The following HMGA2 variants were observed in gnomAD, a reference collection of about 807,000 sequenced individuals.
HMGA2 encodes the protein high mobility group AT-hook 2, also known as high mobility group protein HMGI-C.
Under a neutral mutation model 19.1 loss-of-function variants are expected in HMGA2, and 8 were observed. The observed-to-expected ratio is 0.42, with a 90% confidence interval of 0.25 to 0.76. The LOEUF is 0.76. Ranked by LOEUF, HMGA2 falls within the 30% of genes least tolerant of loss-of-function variation. The pLI, the probability that HMGA2 is intolerant of heterozygous loss-of-function variation, is 0.28. For synonymous variants in HMGA2, 60 were observed against 48.8 expected (o/e 1.23, Z -0.96); for missense variants, 109 against 136.3 (o/e 0.80, Z 1.00).
At chr12:65,951,970 T>C (rs1459268240) in intron 4 of HMGA2, 1 of 171,806 alleles carries the variant, frequency 5.8e-6, no homozygotes, top group Non-Finnish European at 1.2e-5. Flanking sequence ...TTTGGCAACA[T>C]CAAATTGGAA....
At chr12:65,942,065 A>G (rs1876108410) in intron 3 of HMGA2, among the ~76,000 whole-genome samples, 1 of 152,250 alleles carries the variant, frequency 6.6e-6, no homozygotes. Context: ...TGATTGGAGT[A>G]TTAACAACAA....
chr12:65,830,037 T>A (rs1172490024), intron 2 of HMGA2, among the ~76,000 whole-genome samples: 1 of 152,006 alleles, frequency 6.6e-6, no homozygotes, highest in African/African-American at 2.4e-5. Flanking sequence ...TTCTCCAGAA[T>A]CTTTCATTCT....
intron 3 of HMGA2, among the ~76,000 whole-genome samples, 162 bp from the exon 4 acceptor site, chr12:65,951,221 G>T (rs1440187336): frequency 6.6e-6 from 1 of 152,160 alleles, no homozygotes; most frequent in Admixed American, 6.5e-5. Flanking sequence ...GAGCCACCAT[G>T]CCTGGCCAAG....
chr12:65,842,872 G>A, intron 3 of HMGA2: 1 of 1,285,630 alleles, frequency 7.8e-7, no homozygotes, highest in Non-Finnish European at 9.8e-7. Flanking sequence ...TTTAGAGAGT[G>A]GGGCTCAGGC....
At chr12:65,887,568 C>A (rs117313690) in intron 3 of HMGA2, among the ~76,000 whole-genome samples, 11,687 of 151,936 alleles carry the variant, frequency 0.077, 481 homozygotes, top group Middle Eastern at 0.17. Context: ...TAAAAATATA[C>A]AAAAATTGGC....
At chr12:65,952,629 A>T (rs1450914091) in intron 4 of HMGA2, 1 of 654,128 alleles carries the variant, frequency 1.5e-6, no homozygotes, top group African/African-American at 1.8e-5. Flanking sequence ...AGCAATATTT[A>T]AAAATATATA....
At chr12:65,841,906 A>C (rs1200777290) in intron 3 of HMGA2, among the ~76,000 whole-genome samples, 1 of 152,122 alleles carries the variant, frequency 6.6e-6, no homozygotes, top group African/African-American at 2.4e-5. Flanking sequence ...GAGGGGATGA[A>C]GCATTGGCCA....
intron 3 of HMGA2, among the ~76,000 whole-genome samples, chr12:65,925,218 T>G (rs1204693033): frequency 6.6e-6 from 1 of 152,216 alleles, no homozygotes; most frequent in Non-Finnish European, 1.5e-5. Context: ...TTTTAGGTTA[T>G]AAGTTTTTGC....
intron 3 of HMGA2, among the ~76,000 whole-genome samples, chr12:65,907,738 G>A (rs879592418): frequency 1.3e-5 from 2 of 152,176 alleles, no homozygotes; most frequent in Admixed American, 6.5e-5. Flanking sequence ...TTTCAAGTAA[G>A]GATGTTTCTA....
chr12:65,825,090 T>G lies in HMGA2; in HGVS notation c.-181T>G. ...TTCTCTTTTTGGCAGCCGCTGGACG[T>G]CCGGTGTTGATGGTGGCAGCGGCGG... On this transcript the variant is annotated 5_prime_UTR_variant, in exon 1 of 5. Coordinates refer to ENST00000403681, the MANE Select transcript of HMGA2 (RefSeq NM_003483.6). The surrounding 1 kb of genome is among the most constrained non-coding windows in gnomAD (Gnocchi z 4.4). 1 of 514,536 alleles carries G rather than the reference T, an allele frequency of 1.9e-6. No homozygotes were observed. Among genetic ancestry groups the G allele is most frequent in the Non-Finnish European group, 3.4e-6 (1 of 293,810 alleles). The allele number at this position is 514,536 out of a possible 1,614,324, so 31.9% of individuals were successfully genotyped here.
At chr12:65,831,117 A>G (rs773436962) in intron 2 of HMGA2, 7 of 151,592 alleles carry the variant, frequency 4.6e-5, no homozygotes, top group Non-Finnish European at 1.0e-4. Context: ...CCTTTTATTT[A>G]TTTTTTAGTC....
intron 3 of HMGA2, among the ~76,000 whole-genome samples, chr12:65,879,659 G>A (rs565595517): frequency 6.6e-6 from 1 of 152,150 alleles, no homozygotes; most frequent in East Asian, 1.9e-4. Context: ...CTATAATCTA[G>A]ATGCTATACT....
At chr12:65,913,329 G>T (rs890118359) in intron 3 of HMGA2, among the ~76,000 whole-genome samples, 2 of 152,132 alleles carry the variant, frequency 1.3e-5, no homozygotes. Context: ...TCCGGGGTCA[G>T]TCATCTTGAC....
chr12:65,905,252 A>G (rs922058843), intron 3 of HMGA2, among the ~76,000 whole-genome samples: 1 of 152,124 alleles, frequency 6.6e-6, no homozygotes. Context: ...TTTTCTGTAT[A>G]ATTAACAATA....
At chr12:65,837,523 G>A (rs937318569) in intron 2 of HMGA2, among the ~76,000 whole-genome samples, 1 of 152,140 alleles carries the variant, frequency 6.6e-6, no homozygotes, top group Non-Finnish European at 1.5e-5. Flanking sequence ...CTGTATTTGT[G>A]TGTTAATATA....
At chr12:65,917,802 G>A (rs1213245577) in intron 3 of HMGA2, among the ~76,000 whole-genome samples, 3 of 152,152 alleles carry the variant, frequency 2.0e-5, no homozygotes, top group Non-Finnish European at 2.9e-5. Flanking sequence ...CATTCATCTT[G>A]TGTCTGTGAT....
intron 3 of HMGA2, among the ~76,000 whole-genome samples, chr12:65,947,945 G>A (rs1258945681): frequency 2.0e-5 from 3 of 152,258 alleles, no homozygotes; most frequent in African/African-American, 7.2e-5. Flanking sequence ...AAGCCGGGAA[G>A]TACAGCTTCT....
intron 3 of HMGA2, among the ~76,000 whole-genome samples, chr12:65,840,940 A>G (rs1472521293): frequency 6.6e-6 from 1 of 152,092 alleles, no homozygotes; most frequent in Non-Finnish European, 1.5e-5. Context: ...TATAATGGTC[A>G]CCAATTCACC....
intron 3 of HMGA2, chr12:65,842,813 G>A: frequency 7.3e-7 from 1 of 1,369,868 alleles, no homozygotes; most frequent in Non-Finnish European, 9.4e-7. Flanking sequence ...GCCTAGGAAA[G>A]GAGCTCGTCA....
Sources: allele counts gnomAD v4.1 joint callset (sites outside exome capture counted in the v4.1 genomes callset), GRCh38; gene constraint gnomAD v4.1.1; non-coding constraint Gnocchi (gnomAD v3.1); transcripts MANE v1.5; gene names NCBI Gene and HGNC (gene_info 2026-07-23, HGNC 2026-07-21).